Variants in MGAT4C observed in about 807,000 individuals in gnomAD.
The protein encoded by MGAT4C is alpha-1,3-mannosyl-glycoprotein 4-beta-N-acetylglucosaminyltransferase C.
A neutral mutation model predicts 40.1 loss-of-function variants in MGAT4C; 19 were observed. The ratio of observed to expected loss-of-function variants is 0.47; its 90% confidence interval spans 0.33 to 0.70. MGAT4C has a LOEUF of 0.70. Ranked by LOEUF, MGAT4C falls within the 30% of genes least tolerant of loss-of-function variation. MGAT4C has a pLI of 0.02. For missense variants in MGAT4C, 491 were observed against 563.2 expected, an observed-to-expected ratio of 0.87 and a Z score of 1.30; for synonymous variants, 181 against 187.1, an observed-to-expected ratio of 0.97 and a Z score of 0.27.
chr12:86,100,463 A>G (rs1874765347), intron 1 of MGAT4C, among the ~76,000 whole-genome samples: 1 of 151,424 alleles, frequency 6.6e-6, no homozygotes, highest in Admixed American at 6.6e-5. Context: ...TTACAGGCTA[A>G]TTCCAAAAAA....
intron 1 of MGAT4C, among the ~76,000 whole-genome samples, chr12:86,104,106 C>A (rs191157284): frequency 6.6e-6 from 1 of 151,912 alleles, no homozygotes; most frequent in South Asian, 2.1e-4. Flanking sequence ...ACAGGAGACA[C>A]TAATCCAAAG....
intron 3 of MGAT4C, among the ~76,000 whole-genome samples, chr12:86,385,051 T>C (rs535706858): frequency 6.6e-6 from 1 of 152,348 alleles, no homozygotes; most frequent in African/African-American, 2.4e-5. Context: ...AAGTTAATGT[T>C]ACCATTTAAA....
chr12:86,366,444 A>G (rs1955598138), intron 3 of MGAT4C, among the ~76,000 whole-genome samples: 1 of 152,170 alleles, frequency 6.6e-6, no homozygotes, highest in African/African-American at 2.4e-5. Context: ...TCTGTAGGTC[A>G]CTATCCTAAG....
At chr12:86,714,799 A>AAGGAAGGG in intron 2 of MGAT4C, among the ~76,000 whole-genome samples, 1 of 151,842 alleles carries the variant, frequency 6.6e-6, no homozygotes, top group South Asian at 2.1e-4. Flanking sequence ...GGAAGGAAGG[A>AAGGAAGGG]AGGAAGGAAG....
intron 2 of MGAT4C, among the ~76,000 whole-genome samples, chr12:86,656,743 T>C (rs1184267897): frequency 6.6e-6 from 1 of 152,058 alleles, no homozygotes; most frequent in Non-Finnish European, 1.5e-5. Context: ...ACAAACATCT[T>C]TTGGTACTAA....
At chr12:86,145,090 A>G (rs2135749520) in intron 1 of MGAT4C, among the ~76,000 whole-genome samples, 1 of 152,304 alleles carries the variant, frequency 6.6e-6, no homozygotes, top group Non-Finnish European at 1.5e-5. Context: ...CTTTTCTGTC[A>G]GGGTATACAA....
rs1045744607 is a variant in MGAT4C, at chr12:86,363,976, A to T, written c.-119-29849T>A. Reference sequence around the variant, plus strand: ...CTCACTCTCTCTCTCTCTCTCTCACACACACACACACACACAGAGACACAA... The same window carrying T: ...CTCACTCTCTCTCTCTCTCTCTCACTCACACACACACACACAGAGACACAA... On this transcript the variant is annotated intron_variant, in intron 3 of 7. Coordinates refer to the MGAT4C transcript ENST00000548651. 4.9e-3 allele frequency among the ~76,000 whole-genome samples: 727 copies of T among 149,414 alleles called. 3 individuals carry two copies. Among genetic ancestry groups the T allele is most frequent in the East Asian group, 0.01 (52 of 5,098 alleles).
chr12:86,682,685 C>T (rs1950003761), intron 2 of MGAT4C, among the ~76,000 whole-genome samples: 1 of 152,056 alleles, frequency 6.6e-6, no homozygotes, highest in South Asian at 2.1e-4. Context: ...TCTGAGCTTG[C>T]TATTAAATGA....
chr12:86,542,262 T>A (rs1253488893), intron 2 of MGAT4C, among the ~76,000 whole-genome samples: 1 of 152,206 alleles, frequency 6.6e-6, no homozygotes, highest in African/African-American at 2.4e-5. Context: ...ATTGGACTGA[T>A]ATTCATGATG....
intron 1 of MGAT4C, among the ~76,000 whole-genome samples, chr12:86,139,706 AAG>A (rs1882553555): frequency 6.6e-6 from 1 of 152,154 alleles, no homozygotes; most frequent in South Asian, 2.1e-4. Context: ...ATACAAATAT[AAG>A]AGTTTCTTTA....
intron 2 of MGAT4C, among the ~76,000 whole-genome samples, chr12:86,457,777 T>C (rs921877198): frequency 1.3e-5 from 2 of 152,098 alleles, no homozygotes; most frequent in African/African-American, 4.8e-5. Context: ...ATGGCATTTC[T>C]AGGAAAATCA....
At chr12:86,440,176 A>G (rs1453417201) in intron 2 of MGAT4C, among the ~76,000 whole-genome samples, 1 of 152,096 alleles carries the variant, frequency 6.6e-6, no homozygotes, top group Admixed American at 6.6e-5. Context: ...AAAAACAACA[A>G]CAAAAATACT....
rs186018211 is a variant in MGAT4C at position 86,634,810 on chromosome 12, G to A, written c.-229+92399C>T. Among the ~76,000 whole-genome samples the A allele has an allele frequency of 3.1e-3, 470 of 152,162 alleles. 2 individuals are homozygous for A. The highest frequency in any genetic ancestry group is 0.014 in the Middle Eastern group (4 of 294). ...ATCTTATATAAGCTAAAATAGTCAC[G>A]ACAGTGATTTCCATATTCTTTACCA... On this transcript the variant is annotated intron_variant, in intron 2 of 7. Transcript: ENST00000548651.
intron 1 of MGAT4C, among the ~76,000 whole-genome samples, chr12:86,127,002 A>G (rs777312544): frequency 1.3e-5 from 2 of 152,220 alleles, no homozygotes; most frequent in Non-Finnish European, 2.9e-5. Context: ...TCACATGTGC[A>G]GTTCACAATA....
intron 2 of MGAT4C, among the ~76,000 whole-genome samples, chr12:86,489,106 C>T (rs922046132): frequency 1.3e-5 from 2 of 152,048 alleles, no homozygotes; most frequent in African/African-American, 4.8e-5. Context: ...TATCTTGTGC[C>T]TATAAAGACC....
At chr12:86,176,061 T>A (rs140189601) in intron 1 of MGAT4C, among the ~76,000 whole-genome samples, 1 of 152,288 alleles carries the variant, frequency 6.6e-6, no homozygotes, top group East Asian at 1.9e-4. Context: ...AAGGTGCAAT[T>A]CTAGCAAGTT....
rs74787276 is a variant in MGAT4C, at chr12:86,193,195, T to C, written c.-57+63044A>G. ...TTTCTATTTCTTTTGTTCCTTTGAT[T>C]ATCTTTCTTAGAATGAAATCCTTTT... On this transcript the variant is annotated intron_variant, in intron 1 of 4. Coordinates refer to ENST00000611864, the MANE Select transcript of MGAT4C (RefSeq NM_001351288.2). Among the ~76,000 whole-genome samples, 190 of 150,570 alleles carry C rather than the reference T, an allele frequency of 1.3e-3. 1 individual carries two copies. Among genetic ancestry groups the C allele is most frequent in the African/African-American group, 4.3e-3 (179 of 41,360 alleles).
At chr12:86,106,848 G>A (rs945135805) in intron 1 of MGAT4C, among the ~76,000 whole-genome samples, 2 of 152,086 alleles carry the variant, frequency 1.3e-5, no homozygotes, top group Non-Finnish European at 2.9e-5. Flanking sequence ...TGTTGTATTT[G>A]AAGTAGATTG....
intron 1 of MGAT4C, among the ~76,000 whole-genome samples, chr12:86,820,577 C>A (rs566827721): frequency 2.3e-4 from 34 of 150,856 alleles, no homozygotes; most frequent in Admixed American, 1.3e-4. Flanking sequence ...CCCTAATAAT[C>A]ATGATCAATA....
Sources: allele counts gnomAD v4.1 joint callset (sites outside exome capture counted in the v4.1 genomes callset), GRCh38; gene constraint gnomAD v4.1.1; transcripts MANE v1.5; gene names NCBI Gene and HGNC (gene_info 2026-07-23, HGNC 2026-07-21).